SEC14L4: variants seen among roughly 807,000 people sequenced by gnomAD.
The protein encoded by SEC14L4 is SEC14 like lipid binding 4.
Under a neutral mutation model 55.1 loss-of-function variants are expected in SEC14L4, and 42 were observed. The ratio of observed to expected loss-of-function variants is 0.76; its 90% CI spans 0.60 to 0.99. The LOEUF is 0.99. SEC14L4 is among the 50% of genes least tolerant of loss of function. The pLI, the probability that SEC14L4 is intolerant of heterozygous loss-of-function variation, is 0.00. For synonymous variants in SEC14L4, 206 were observed against 206.8 expected (o/e 1.00, Z 0.03); for missense variants, 445 against 512.1 (o/e 0.87, Z 1.27).
chr22:30,490,601 T>C (rs1674271873), intron 11 of SEC14L4, among the ~76,000 whole-genome samples: 1 of 152,214 alleles, frequency 6.6e-6, no homozygotes, highest in Non-Finnish European at 1.5e-5. Flanking sequence ...GGACACAGTA[T>C]GCTCGTACTG....
chr22:30,489,382 G>C lies in SEC14L4; in HGVS notation c.*725C>G, dbSNP rs1935879862. ...AGCCTCCTGAGTAGCTGGGATTACA[G>C]GTGCACGCCACCATGCCCGGCTAAT... is the stretch of plus-strand genomic sequence containing the variant. On this transcript the variant is annotated 3_prime_UTR_variant, in exon 12 of 12. Coordinates refer to ENST00000255858, the MANE Select transcript of SEC14L4 (RefSeq NM_174977.4). 1.1e-5 allele frequency: 2 copies of C among 180,346 alleles called. No homozygotes were observed. Among genetic ancestry groups the C allele is most frequent in the Admixed American group, 5.4e-5 (1 of 18,508 alleles). 11.2% of individuals were successfully genotyped at this position (180,346 alleles called of 1,614,324 possible). A position where few individuals can be genotyped will look rare whatever the true frequency, so the allele number is the denominator to read the frequency against.
Position 30,495,608 on chromosome 22 carries a change from T to A in SEC14L4, c.209A>T (p.Asn70Ile). The A allele has an allele frequency of 3.1e-6, 5 of 1,614,018 alleles. No individual in the cohort carries two copies. The highest frequency in any genetic ancestry group is 4.2e-6 in the Non-Finnish European group (5 of 1,180,030). Residue 70 changes from asparagine (N) to isoleucine (I), a missense_variant, in exon 4 of 12, where the codon AAC becomes ATC. Asn to Ile is a moderately radical substitution (Grantham distance 149, BLOSUM62 -3). Coordinates refer to ENST00000255858, the MANE Select transcript of SEC14L4 (RefSeq NM_174977.4). ...CTCAGGGGGCTGCCATGTGACAATG[T>A]TGTCCAGGTCTTGTTGCTTCCGGAA... ...MEFRKQQDLD[N>I]IVTWQPPEVI...
At chr22:30,494,052 A>T (rs770007164) in intron 7 of SEC14L4, 98 bp downstream of exon 7, 343 of 890,704 alleles carry the variant, frequency 3.9e-4, no homozygotes, top group Non-Finnish European at 5.5e-4. Context: ...GTTCTTCACA[A>T]AGGATGGGTG....
chr22:30,492,064 G>A lies in SEC14L4; in HGVS notation c.756C>T (p.Pro252=). ...CACCCTGTACCTTGGTCAGGCACTT[G>A]GGGTTGCCATCGGGGTCAGTCATGG... is the stretch of plus-strand genomic sequence containing the variant. ...GGTMTDPDGN[P]KCLTKINYGG... is the part of the protein sequence containing the mutation. Residue 252 remains proline (P), a synonymous_variant, in exon 9 of 12, where the codon CCC becomes CCT. Coordinates refer to ENST00000255858, the MANE Select transcript of SEC14L4 (RefSeq NM_174977.4). The A allele has an allele frequency of 1.2e-6, 2 of 1,613,842 alleles. No individual in the cohort carries two copies. Among genetic ancestry groups the A allele is most frequent in the Middle Eastern group, 1.7e-4 (1 of 6,048 alleles).
intron 6 of SEC14L4, among the ~76,000 whole-genome samples, chr22:30,494,439 G>A (rs186234137): frequency 4.0e-4 from 61 of 152,234 alleles, no homozygotes; most frequent in African/African-American, 1.3e-3. Flanking sequence ...ACAATCACAG[G>A]TCACTGCGAC....
At chr22:30,502,502 A>G (rs1446155707) in intron 2 of SEC14L4, among the ~76,000 whole-genome samples, 1 of 152,158 alleles carries the variant, frequency 6.6e-6, no homozygotes, top group East Asian at 1.9e-4. Context: ...AATCCATTCC[A>G]TGAGGTGTAA....
rs780331813 is a variant in SEC14L4, at chr22:30,491,561, C to T, written c.1081+12G>A. The T allele has an allele frequency of 2.2e-5, 36 of 1,613,892 alleles. No individual in the cohort carries two copies. Among genetic ancestry groups the T allele is most frequent in the Admixed American group, 6.7e-5 (4 of 60,000 alleles). ...CAGGGAAAACAATTCCAGTAAACCC[C>T]GCAGCTCTTACAGACGCCAGCCTGG... is the stretch of plus-strand genomic sequence containing the variant. On this transcript the variant is annotated intron_variant, in intron 11 of 11. Transcript: ENST00000255858.
At chr22:30,492,710 A>C (rs939656985) in intron 7 of SEC14L4, 153 bp from the exon 8 acceptor site, 4 of 644,238 alleles carry the variant, frequency 6.2e-6, no homozygotes, top group Non-Finnish European at 1.1e-5. Context: ...CACCCTCTCC[A>C]AGTCTTAGTG....
At chr22:30,491,268 T>G (rs1935941003) in intron 11 of SEC14L4, among the ~76,000 whole-genome samples, 1 of 152,156 alleles carries the variant, frequency 6.6e-6, no homozygotes, top group Admixed American at 6.5e-5. Flanking sequence ...GTGGTCCCCT[T>G]GCCAAGACCC....
rs1569240401 is a variant in SEC14L4, at chr22:30,491,605, T to A, written c.1049A>T (p.Asp350Val). 1 of 1,614,118 alleles carries A rather than the reference T, an allele frequency of 6.2e-7. No individual in the cohort carries two copies. Among genetic ancestry groups the A allele is most frequent in the East Asian group, 2.2e-5 (1 of 44,872 alleles). ...QRYNAHMVPE[D>V]GSLTCLQAGV... is the part of the protein sequence containing the mutation. ...AGCCTGGAGGCAGGTGAGGCTCCCATCCTCAGGCACCATGTGGGCATTGTA... is the reference window on the plus strand; with the variant it reads ...AGCCTGGAGGCAGGTGAGGCTCCCAACCTCAGGCACCATGTGGGCATTGTA... Residue 350 changes from aspartate to valine, a missense_variant, in exon 11 of 12, where the codon GAT (aspartate) becomes GTT (valine). Transcript: ENST00000255858.
At chr22:30,498,894 C>T (rs947180532) in intron 2 of SEC14L4, among the ~76,000 whole-genome samples, 4 of 152,124 alleles carry the variant, frequency 2.6e-5, no homozygotes, top group African/African-American at 9.7e-5. Flanking sequence ...TTGAACTATT[C>T]TTGCACACCT....
At chr22:30,501,846 C>CACATATATATATATAT (rs1371947748) in intron 2 of SEC14L4, among the ~76,000 whole-genome samples, 4 of 111,910 alleles carry the variant, frequency 3.6e-5, no homozygotes, top group African/African-American at 1.1e-4. Flanking sequence ...CACACACGCA[C>CACATATATATATATAT]ATATATATAT....
rs139429739 is a variant in SEC14L4 at position 30,491,940 on chromosome 22, A to C, written c.805T>G (p.Tyr269Asp). 6.2e-6 allele frequency: 10 copies of C among 1,613,918 alleles called. No homozygotes were observed. In the African/African-American group the frequency reaches 1.2e-4, roughly 19 times the overall value. The stretch of plus-strand genomic sequence containing the variant: ...TGCAGCCTCACCTGCTCGCACAGGT[A>C]GTAGCTCTTGGGCACCTCACCCCCA... ...NYGGEVPKSYYLCEQVRLQYE... is the reference protein window; with the variant it reads ...NYGGEVPKSYDLCEQVRLQYE... The change falls in exon 10 of 12, where the codon TAC becomes GAC. Residue 269 changes from tyrosine (Y) to aspartate (D), a missense_variant. By Grantham distance (160) the Tyr-to-Asp change is radical. Transcript: ENST00000255858.
chr22:30,490,308 C>T, intron 11 of SEC14L4, 62 bp from the exon 12 acceptor site: 1 of 1,601,176 alleles, frequency 6.2e-7, no homozygotes, highest in Non-Finnish European at 8.5e-7. Flanking sequence ...AAGAGCCAGC[C>T]CTGCATGGGT....
chr22:30,497,352 C>A (rs1936183406), intron 2 of SEC14L4, among the ~76,000 whole-genome samples: 1 of 151,000 alleles, frequency 6.6e-6, no homozygotes. Context: ...ACAACAACAA[C>A]AACAACAACA....
intron 11 of SEC14L4, 37 bp from the exon 12 acceptor site, chr22:30,490,283 C>T (rs1269362550): frequency 6.8e-6 from 11 of 1,608,052 alleles, no homozygotes; most frequent in Admixed American, 1.7e-5. Flanking sequence ...AGCACAAACC[C>T]CGCACATCTG....
chr22:30,499,344 A>C (rs1378327763), intron 2 of SEC14L4, among the ~76,000 whole-genome samples: 1 of 150,586 alleles, frequency 6.6e-6, no homozygotes, highest in Non-Finnish European at 1.5e-5. Flanking sequence ...CGGCCTCCCA[A>C]AGTGCTGGGA....
At chr22:30,493,711 A>G (rs1223419310) in intron 7 of SEC14L4, among the ~76,000 whole-genome samples, 1 of 152,220 alleles carries the variant, frequency 6.6e-6, no homozygotes, top group Non-Finnish European at 1.5e-5. Flanking sequence ...AAACTAAAAA[A>G]TAAAGCCAGA....
At position 30,492,172 on chromosome 22, in the gene SEC14L4, G is replaced by C. The variant is rs371962449; in HGVS notation, c.665-17C>G. 3.6e-5 allele frequency: 57 copies of C among 1,596,696 alleles called. No individual in the cohort carries two copies. The highest frequency in any genetic ancestry group is 3.4e-4 in the Middle Eastern group (2 of 5,902). On this transcript the variant is annotated splice_polypyrimidine_tract_variant and intron_variant, in intron 8 of 11. Transcript: ENST00000255858. ...TCCAGTTGTCTGCATGGGAGCAAGA[G>C]AGGGACTCCAAAGGGACTCAGGAGA...
Sources: gnomAD v4.1 joint callset for allele counts (sites outside exome capture counted in the v4.1 genomes callset) on GRCh38, gnomAD v4.1.1 for gene constraint, MANE v1.5 for transcripts, NCBI Gene and HGNC (gene_info 2026-07-23, HGNC 2026-07-21) for gene names.